ADTRP: variants seen among roughly 807,000 people sequenced by gnomAD.
ADTRP encodes androgen-dependent TFPI-regulating protein.
A neutral mutation model predicts 27.0 loss-of-function variants in ADTRP; 20 were observed. The ratio of observed to expected loss-of-function variants is 0.74; its 90% CI spans 0.52 to 1.08. The LOEUF is 1.08. Ranked by LOEUF, ADTRP falls within the 50% of genes least tolerant of loss-of-function variation. ADTRP has a pLI of 0.00. For synonymous variants in ADTRP, 101 were observed against 105.2 expected, an observed-to-expected ratio of 0.96 and a Z score of 0.25; for missense variants, 251 against 275.0, an observed-to-expected ratio of 0.91 and a Z score of 0.62.
At chr6:11,768,024 C>T (rs551194317) in intron 2 of ADTRP, among the ~76,000 whole-genome samples, 4 of 152,264 alleles carry the variant, frequency 2.6e-5, no homozygotes, top group African/African-American at 9.6e-5. Flanking sequence ...GGACCTTGTA[C>T]CAAGCCTTTG....
chr6:11,719,753 T>A (rs1761954161), intron 5 of ADTRP, among the ~76,000 whole-genome samples: 2 of 152,202 alleles, frequency 1.3e-5, no homozygotes, highest in African/African-American at 2.4e-5. Flanking sequence ...TTGCTGTAAG[T>A]ACCTGAGGAC....
At chr6:11,742,948 T>C (rs770454979) in intron 3 of ADTRP, among the ~76,000 whole-genome samples, 1 of 152,252 alleles carries the variant, frequency 6.6e-6, no homozygotes, top group Non-Finnish European at 1.5e-5. Flanking sequence ...CCACTGTTGA[T>C]AACACAGTTA....
chr6:11,771,649 T>G (rs1249147092), intron 1 of ADTRP, among the ~76,000 whole-genome samples: 2 of 152,170 alleles, frequency 1.3e-5, no homozygotes, highest in Non-Finnish European at 2.9e-5. Context: ...ATGGGCTAAT[T>G]TATATCCCCC....
At chr6:11,718,530 G>A (rs1761908232) in intron 5 of ADTRP, among the ~76,000 whole-genome samples, 1 of 152,226 alleles carries the variant, frequency 6.6e-6, no homozygotes, top group African/African-American at 2.4e-5. Context: ...CCCAGTCAAT[G>A]TGGAAGAGAA....
At chr6:11,776,513 A>G (rs976203393) in intron 1 of ADTRP, among the ~76,000 whole-genome samples, 15 of 152,240 alleles carry the variant, frequency 9.9e-5, no homozygotes, top group Non-Finnish European at 1.2e-4. Flanking sequence ...ACAATACTAC[A>G]TATAAATCAG....
rs749121735 is a variant in ADTRP at position 11,735,601 on chromosome 6, A to G, written c.473T>C (p.Leu158Ser). 6.2e-7 allele frequency: 1 copy of G among 1,614,072 alleles called. No homozygotes were observed. The highest frequency in any genetic ancestry group is 1.1e-5 in the South Asian group (1 of 91,062). ...GTAAGCAATGCTGGCAGCAGCCAGC[A>G]AGGTGAGTCCTGTCTTCTTTGATGG... The part of the protein sequence containing the change: ...SYPSKKTGLT[L>S]LAAASIAYIS... Residue 158 changes from leucine (L) to serine (S), a missense_variant, in exon 4 of 6, where the codon TTG becomes TCG. By Grantham distance (145) the Leu-to-Ser change is moderately radical. Coordinates refer to ENST00000414691, the MANE Select transcript of ADTRP (RefSeq NM_032744.4).
At chr6:11,716,548 G>A (rs966597069) in intron 5 of ADTRP, among the ~76,000 whole-genome samples, 1 of 152,132 alleles carries the variant, frequency 6.6e-6, no homozygotes, top group Admixed American at 6.5e-5. Flanking sequence ...ATTTTATTCT[G>A]TAGGGACTCA....
intron 3 of ADTRP, among the ~76,000 whole-genome samples, chr6:11,760,292 C>T (rs976236772): frequency 2.0e-5 from 3 of 152,200 alleles, no homozygotes; most frequent in African/African-American, 7.2e-5. Flanking sequence ...AGGTCACCAG[C>T]GAGTACGAAA....
intron 5 of ADTRP, among the ~76,000 whole-genome samples, chr6:11,718,650 C>A (rs1375429104): frequency 6.6e-6 from 1 of 152,192 alleles, no homozygotes; most frequent in Non-Finnish European, 1.5e-5. Flanking sequence ...TTGAAGTTAA[C>A]ATTCCATCTA....
At chr6:11,768,098 G>C in intron 2 of ADTRP, 151 bp downstream of exon 2, 1 of 895,566 alleles carries the variant, frequency 1.1e-6, no homozygotes, top group Non-Finnish European at 1.7e-6. Context: ...AAGACACTGG[G>C]CAATGTGGCG....
At chr6:11,731,762 T>A (rs570676631) in intron 4 of ADTRP, among the ~76,000 whole-genome samples, 1 of 132,234 alleles carries the variant, frequency 7.6e-6, no homozygotes, top group Admixed American at 7.6e-5. Context: ...CCTTGTGTTT[T>A]TTTTATGAGG....
At chr6:11,776,524 C>G (rs1432926227) in intron 1 of ADTRP, among the ~76,000 whole-genome samples, 1 of 152,114 alleles carries the variant, frequency 6.6e-6, no homozygotes, top group Non-Finnish European at 1.5e-5. Flanking sequence ...TATAAATCAG[C>G]AGAGACTGAG....
In ADTRP at chr6:11,714,114, T is replaced by C. The variant is rs1761729846; in HGVS notation, c.*364A>G. 3 of 216,440 alleles carry C rather than the reference T, an allele frequency of 1.4e-5. No individual in the cohort carries two copies. In the South Asian group the frequency reaches 2.2e-4, roughly 16 times the overall value. The allele number at this position is 216,440 out of a possible 1,614,324, so 13.4% of individuals were successfully genotyped here. On this transcript the variant is annotated 3_prime_UTR_variant, in exon 6 of 6. Coordinates refer to ENST00000414691, the MANE Select transcript of ADTRP (RefSeq NM_032744.4). ...CATCTAGGTCCTCAGCATCCTTCTC[T>C]GTAAACTGAAGAGTTTAAATGACTC...
chr6:11,734,727 G>A (rs1024474400), intron 4 of ADTRP, among the ~76,000 whole-genome samples: 9 of 152,106 alleles, frequency 5.9e-5, no homozygotes, highest in African/African-American at 1.9e-4. Context: ...CTCTCTCTGC[G>A]CTTCCATCCC....
intron 3 of ADTRP, among the ~76,000 whole-genome samples, chr6:11,739,870 A>T (rs1424200313): frequency 2.6e-5 from 4 of 152,202 alleles, no homozygotes; most frequent in Non-Finnish European, 5.9e-5. Context: ...CTTTAAGGCT[A>T]GGCTGATCAC....
At chr6:11,746,783 C>T (rs1318857133) in intron 3 of ADTRP, among the ~76,000 whole-genome samples, 2 of 152,168 alleles carry the variant, frequency 1.3e-5, no homozygotes, top group East Asian at 1.9e-4. Context: ...GCAGGCCAGG[C>T]GCTTGCCCCT....
At chr6:11,763,622 G>C (rs925709738) in intron 3 of ADTRP, among the ~76,000 whole-genome samples, 3 of 152,214 alleles carry the variant, frequency 2.0e-5, no homozygotes, top group African/African-American at 7.2e-5. Flanking sequence ...CCTTTGGACT[G>C]TCATGGACAG....
At chr6:11,769,534 C>A (rs149306352) in intron 1 of ADTRP, among the ~76,000 whole-genome samples, 52 of 152,226 alleles carry the variant, frequency 3.4e-4, no homozygotes, top group African/African-American at 1.2e-3. Flanking sequence ...GAATCAAAAT[C>A]TCTGGAAATG....
At chr6:11,719,834 A>G (rs1761959052) in intron 5 of ADTRP, among the ~76,000 whole-genome samples, 1 of 152,168 alleles carries the variant, frequency 6.6e-6, no homozygotes, top group Non-Finnish European at 1.5e-5. Context: ...GAAACTGGTA[A>G]TTTATACATC....
Sources: gnomAD v4.1 joint callset for allele counts (sites outside exome capture counted in the v4.1 genomes callset) on GRCh38, gnomAD v4.1.1 for gene constraint, MANE v1.5 for transcripts, NCBI Gene and HGNC (gene_info 2026-07-23, HGNC 2026-07-21) for gene names.